Variants in ZYG11A observed in about 807,000 individuals in gnomAD.
ZYG11A encodes the protein protein zyg-11 homolog A.
ZYG11A carries 62 observed loss-of-function variants against 77.2 expected under a neutral mutation model. The observed-to-expected ratio is 0.80, with a 90% CI of 0.65 to 0.99. ZYG11A has a LOEUF of 0.99. ZYG11A is among the 50% of genes least tolerant of loss of function. The pLI, the probability that ZYG11A is intolerant of heterozygous loss-of-function variation, is 0.00. For missense variants in ZYG11A, 828 were observed against 896.8 expected, an observed-to-expected ratio of 0.92 and a Z score of 0.98; for synonymous variants, 315 against 324.6, an observed-to-expected ratio of 0.97 and a Z score of 0.32.
At chr1:52,874,643 G>A (rs1480513728) in intron 8 of ZYG11A, among the ~76,000 whole-genome samples, 1 of 152,088 alleles carries the variant, frequency 6.6e-6, no homozygotes. Context: ...GAGGCAGGCG[G>A]ATCATGTGAG....
chr1:52,857,872 C>CG (rs1252517953), intron 3 of ZYG11A, 123 bp downstream of exon 3: 5 of 729,348 alleles, frequency 6.9e-6, no homozygotes, highest in Non-Finnish European at 1.0e-5. Flanking sequence ...CCTTAAAGAG[C>CG]TTTTTTAATA....
chr1:52,881,324 G>A (rs1481827543), intron 10 of ZYG11A, 147 bp from the exon 11 acceptor site: 1 of 569,476 alleles, frequency 1.8e-6, no homozygotes, highest in African/African-American at 1.9e-5. Context: ...TGGATTGTGG[G>A]TTTTAGGCTA....
At position 52,864,057 on chromosome 1, in the gene ZYG11A, T is replaced by C. The variant is rs772300739; in HGVS notation, c.1226T>C (p.Leu409Pro). The change falls in exon 5 of 14, where the codon CTA (leucine) becomes CCA (proline). Residue 409 changes from leucine to proline, a missense_variant. Physicochemically the swap from Leu to Pro is moderately conservative, Grantham distance 98. Transcript: ENST00000371528. ...ACAGCCAGTGCTTGCGCTCTCAACC[T>C]AACACGCCAGGGCCTGGCCAAGGGG... The part of the protein sequence containing the change: ...QFTASACALN[L>P]TRQGLAKGMP... 5.8e-6 allele frequency: 9 copies of C among 1,551,748 alleles called. No individual in the cohort carries two copies. Among genetic ancestry groups the C allele is most frequent in the African/African-American group, 2.7e-5 (2 of 73,072 alleles).
intron 1 of ZYG11A, among the ~76,000 whole-genome samples, chr1:52,843,178 G>C (rs1645485453): frequency 6.6e-6 from 1 of 151,024 alleles, no homozygotes; most frequent in Non-Finnish European, 1.5e-5. Context: ...GCGCCGCGGA[G>C]CGGGGGGTGC....
rs1645824240 is a variant in ZYG11A, at chr1:52,856,995, T to C, written c.257-3T>C. 10 of 1,526,962 alleles carry C rather than the reference T, an allele frequency of 6.5e-6. No homozygotes were observed. Among genetic ancestry groups the C allele is most frequent in the Non-Finnish European group, 8.8e-6 (10 of 1,133,100 alleles). 94.6% of individuals were successfully genotyped at this position (1,526,962 alleles called of 1,614,324 possible). On this transcript the variant is annotated splice_region_variant and splice_polypyrimidine_tract_variant and intron_variant, in intron 2 of 13. Coordinates refer to ENST00000371528, the MANE Select transcript of ZYG11A (RefSeq NM_001004339.3). ...TTACAAGTTGGTTCTGGTTCTTTCA[T>C]AGGCAAGCTGACTGACAGAACAGCC...
chr1:52,855,067 G>A (rs1222240954), intron 2 of ZYG11A, among the ~76,000 whole-genome samples: 2 of 151,960 alleles, frequency 1.3e-5, no homozygotes, highest in Non-Finnish European at 2.9e-5. Context: ...TCACCACTTT[G>A]GTCAGGCTGG....
intron 8 of ZYG11A, among the ~76,000 whole-genome samples, chr1:52,870,238 A>C (rs1646130272): frequency 7.2e-6 from 1 of 138,568 alleles, no homozygotes. Flanking sequence ...GCGGCCGGGC[A>C]GAGACGCTCC....
rs541191886 is a variant in ZYG11A at position 52,866,746 on chromosome 1, G to T, written c.1391+179G>T. Among the ~76,000 whole-genome samples, 15 of 152,258 alleles carry T rather than the reference G, an allele frequency of 9.9e-5. No homozygotes were observed. In the South Asian group the frequency reaches 3.1e-3, roughly 32 times the overall value. Reference sequence around the variant, plus strand: ...GTCTCCTAAAGTGATTCTAGTATAGGATAGTGGGTAAGAACAGGCTCCGAG... The same window carrying T: ...GTCTCCTAAAGTGATTCTAGTATAGTATAGTGGGTAAGAACAGGCTCCGAG... On this transcript the variant is annotated intron_variant, in intron 6 of 13. Transcript: ENST00000371528.
At chr1:52,846,500 A>C (rs1223704069) in intron 1 of ZYG11A, among the ~76,000 whole-genome samples, 1 of 151,082 alleles carries the variant, frequency 6.6e-6, no homozygotes, top group Non-Finnish European at 1.5e-5. Context: ...CTATAGGTGC[A>C]CGCCACCATT....
chr1:52,847,292 C>T (rs112456632), intron 1 of ZYG11A, among the ~76,000 whole-genome samples: 2,402 of 152,162 alleles, frequency 0.016, 30 homozygotes, highest in Non-Finnish European at 0.025. Context: ...GTTTTGAATT[C>T]CTGACCTTGT....
At chr1:52,874,735 C>T (rs1040467433) in intron 8 of ZYG11A, among the ~76,000 whole-genome samples, 1 of 152,004 alleles carries the variant, frequency 6.6e-6, no homozygotes, top group Non-Finnish European at 1.5e-5. Context: ...GGTGGGGTGG[C>T]ACGAGCCTGT....
At chr1:52,864,585 G>C (rs1645989682) in intron 5 of ZYG11A, among the ~76,000 whole-genome samples, 1 of 152,178 alleles carries the variant, frequency 6.6e-6, no homozygotes, top group Non-Finnish European at 1.5e-5. Context: ...TAGAGAAAGA[G>C]AATAGATAAA....
At chr1:52,879,482 G>T (rs1299102497) in intron 10 of ZYG11A, among the ~76,000 whole-genome samples, 1 of 152,128 alleles carries the variant, frequency 6.6e-6, no homozygotes. Context: ...ACAGAGAGGA[G>T]TAAATGATTA....
chr1:52,873,933 G>A (rs1054630883), intron 8 of ZYG11A, among the ~76,000 whole-genome samples: 5 of 151,676 alleles, frequency 3.3e-5, no homozygotes, highest in Admixed American at 6.6e-5. Flanking sequence ...GCAATGAGCC[G>A]AGATCGCGCC....
At chr1:52,868,787 A>G (rs1045010095) in intron 8 of ZYG11A, among the ~76,000 whole-genome samples, 3 of 152,190 alleles carry the variant, frequency 2.0e-5, no homozygotes, top group African/African-American at 7.2e-5. Flanking sequence ...TTGTGTCTCA[A>G]AAAACAACAA....
intron 3 of ZYG11A, among the ~76,000 whole-genome samples, chr1:52,858,369 C>T (rs1020069325): frequency 7.3e-5 from 11 of 150,058 alleles, no homozygotes; most frequent in Non-Finnish European, 1.3e-4. Flanking sequence ...AAAAGCGAAA[C>T]GCAGTCTCAA....
intron 8 of ZYG11A, among the ~76,000 whole-genome samples, 177 bp downstream of exon 8, chr1:52,867,954 A>ATTT (rs1646057438): frequency 4.3e-5 from 4 of 92,576 alleles, no homozygotes; most frequent in African/African-American, 9.8e-5. Flanking sequence ...GTACCTCCAC[A>ATTT]TTTCTTTTTT....
chr1:52,879,467 G>C (rs539124232), intron 10 of ZYG11A, among the ~76,000 whole-genome samples: 7 of 152,266 alleles, frequency 4.6e-5, no homozygotes, highest in East Asian at 1.9e-4. Context: ...GATGTGAAAG[G>C]CTTCACAGAG....
At chr1:52,851,132 C>T (rs1645702234) in intron 1 of ZYG11A, among the ~76,000 whole-genome samples, 1 of 151,524 alleles carries the variant, frequency 6.6e-6, no homozygotes, top group Non-Finnish European at 1.5e-5. Flanking sequence ...GCAGCCTTGA[C>T]CTCCTGGGCT....
Sources: allele counts gnomAD v4.1 joint callset (sites outside exome capture counted in the v4.1 genomes callset), GRCh38; gene constraint gnomAD v4.1.1; transcripts MANE v1.5; gene names NCBI Gene and HGNC (gene_info 2026-07-23, HGNC 2026-07-21).